SYNE1: variants seen among roughly 807,000 people sequenced by gnomAD.
SYNE1 encodes the protein nesprin-1.
SYNE1 carries 616 observed loss-of-function variants against 1,111.0 expected under a neutral mutation model. That is an observed-to-expected ratio of 0.55 (90% confidence interval 0.52 to 0.59). The LOEUF (loss-of-function observed/expected upper bound fraction) is 0.59. SYNE1 is among the 20% of genes least tolerant of loss of function. The pLI, the probability that SYNE1 is intolerant of heterozygous loss-of-function variation, is 0.00. For missense variants in SYNE1, 10,006 were observed against 10,417.0 expected, an observed-to-expected ratio of 0.96 and a Z score of 1.72; for synonymous variants, 3,855 against 3,825.8, an observed-to-expected ratio of 1.01 and a Z score of -0.28.
Position 152,244,179 on chromosome 6 carries a change from G to A in SYNE1, c.19692+358C>T, listed in dbSNP as rs190804227. On this transcript the variant is annotated intron_variant, in intron 106 of 145. Transcript: ENST00000367255. ...TTAAAATAGTATTTGAAGACATAGT[G>A]CAATACGAGGGTAGATATCCCTTTT... is the stretch of plus-strand genomic sequence containing the variant. 3.1e-4 allele frequency among the ~76,000 whole-genome samples: 47 copies of A among 152,248 alleles called. No individual in the cohort carries two copies. In the East Asian group the frequency reaches 7.3e-3, roughly 24 times the overall value.
At chr6:152,501,355 G>C (rs2099028705) in intron 10 of SYNE1, among the ~76,000 whole-genome samples, 1 of 152,128 alleles carries the variant, frequency 6.6e-6, no homozygotes. Flanking sequence ...TGTGAAATAG[G>C]ACAAACTTTC....
intron 2 of SYNE1, among the ~76,000 whole-genome samples, chr6:152,634,205 T>C (rs1039768592): frequency 2.0e-5 from 3 of 152,068 alleles, no homozygotes; most frequent in African/African-American, 7.2e-5. Flanking sequence ...CTGCAGAAAA[T>C]TTCAAACCCT....
At position 152,391,348 on chromosome 6, in the gene SYNE1, C is replaced by T. The variant is rs775185806; in HGVS notation, c.7933G>A (p.Asp2645Asn). 2.5e-6 allele frequency: 4 copies of T among 1,614,122 alleles called. No individual in the cohort carries two copies. The Admixed American group carries it at 5.0e-5, about 20-fold the overall frequency. ...GTGCTCTCTGCACAGGCCAGTCTGT[C>T]CTGAATGGCCTTCACCCAGAACCAC... Reference protein sequence around the residue: ...SMWFWVKAIQDRLACAESTLG... With the variant: ...SMWFWVKAIQNRLACAESTLG... The change falls in exon 52 of 146, where the codon GAC becomes AAC. Residue 2645 changes from aspartate (D) to asparagine (N), a missense_variant. Physicochemically the swap from Asp to Asn is conservative, Grantham distance 23 (BLOSUM62 1). Transcript: ENST00000367255.
intron 115 of SYNE1, among the ~76,000 whole-genome samples, chr6:152,227,655 T>C (rs2081906429): frequency 6.6e-6 from 1 of 152,190 alleles, no homozygotes; most frequent in Non-Finnish European, 1.5e-5. Context: ...ATCCTTCCAA[T>C]ATGTCTTTAA....
At position 152,439,021 on chromosome 6, in the gene SYNE1, T is replaced by C. The variant is rs544760295; in HGVS notation, c.4149+2109A>G. On this transcript the variant is annotated intron_variant, in intron 32 of 145. Coordinates refer to ENST00000367255, the MANE Select transcript of SYNE1 (RefSeq NM_182961.4). ...CATCACCAACTTTGTGCCTTATGTG[T>C]CCTTCCTCATATAACACGATTGATA... Among the ~76,000 whole-genome samples the C allele has an allele frequency of 3.3e-5, 5 of 152,330 alleles. No individual in the cohort carries two copies. In the East Asian group the frequency reaches 9.6e-4, roughly 29 times the overall value.
chr6:152,548,356 C>A (rs898002208), intron 3 of SYNE1, among the ~76,000 whole-genome samples: 2 of 152,150 alleles, frequency 1.3e-5, no homozygotes, highest in Non-Finnish European at 2.9e-5. Flanking sequence ...ACATGCCTTG[C>A]CCCTGGACAA....
intron 73 of SYNE1, 72 bp from the exon 74 acceptor site, chr6:152,344,299 G>A: frequency 6.3e-7 from 1 of 1,597,514 alleles, no homozygotes; most frequent in Non-Finnish European, 8.6e-7. Flanking sequence ...CAAATTCAAT[G>A]AAACATGACC....
intron 137 of SYNE1, chr6:152,144,397 A>G (rs1402222183): frequency 6.3e-6 from 1 of 157,932 alleles, no homozygotes; most frequent in African/African-American, 2.4e-5. Flanking sequence ...TAACATTTCC[A>G]TCTAGGCAGG....
At chr6:152,181,082 C>CAAA (rs11439578) in intron 128 of SYNE1, among the ~76,000 whole-genome samples, 6,140 of 124,518 alleles carry the variant, frequency 0.049, 414 homozygotes, top group African/African-American at 0.13. Context: ...TTTATCATTC[C>CAAA]AAAAAAAAAA....
intron 3 of SYNE1, among the ~76,000 whole-genome samples, chr6:152,575,794 C>A (rs1595668324): frequency 6.6e-6 from 1 of 152,136 alleles, no homozygotes; most frequent in East Asian, 1.9e-4. Context: ...GCTAAATGAA[C>A]AATGTATATG....
At chr6:152,276,265 C>T (rs2093623766) in intron 98 of SYNE1, among the ~76,000 whole-genome samples, 1 of 152,056 alleles carries the variant, frequency 6.6e-6, no homozygotes, top group African/African-American at 2.4e-5. Context: ...AAACTCCCGA[C>T]CTCAGGTGAT....
chr6:152,289,910 G>A (rs1432821519), intron 95 of SYNE1, among the ~76,000 whole-genome samples: 2 of 147,906 alleles, frequency 1.4e-5, no homozygotes, highest in Non-Finnish European at 3.0e-5. Context: ...ACAGGCATGA[G>A]CTACCGCGCC....
chr6:152,417,850 AT>A (rs1433150912), intron 40 of SYNE1, among the ~76,000 whole-genome samples: 2 of 152,130 alleles, frequency 1.3e-5, no homozygotes, highest in African/African-American at 4.8e-5. Context: ...TAAATGTTTA[AT>A]TTTTTTAACT....
chr6:152,369,748 C>T (rs1226530439), intron 59 of SYNE1, 134 bp from the exon 60 acceptor site: 44 of 1,043,638 alleles, frequency 4.2e-5, no homozygotes, highest in Admixed American at 1.6e-4. Flanking sequence ...TTTGGGTGGC[C>T]GAGGTGAGCA....
chr6:152,304,524 A>G (rs555030889), intron 91 of SYNE1, among the ~76,000 whole-genome samples: 51 of 152,136 alleles, frequency 3.4e-4, no homozygotes, highest in African/African-American at 1.2e-3. Flanking sequence ...TAGTAGGGAC[A>G]TGTTGGCCAA....
At chr6:152,621,226 A>G (rs2099674622) in intron 3 of SYNE1, among the ~76,000 whole-genome samples, 1 of 152,198 alleles carries the variant, frequency 6.6e-6, no homozygotes, top group Non-Finnish European at 1.5e-5. Context: ...AAGCTGTTAC[A>G]GTTAAAATGG....
chr6:152,365,110 A>G (rs2097045115), intron 62 of SYNE1, 91 bp from the exon 63 acceptor site: 4 of 1,530,882 alleles, frequency 2.6e-6, no homozygotes, highest in Middle Eastern at 2.2e-4. Flanking sequence ...TCACAGAATA[A>G]TATGCAATTG....
chr6:152,388,914 A>G lies in SYNE1; in HGVS notation c.8177+1366T>C, dbSNP rs183661062. 2.1e-3 allele frequency among the ~76,000 whole-genome samples: 326 copies of G among 152,362 alleles called. 2 individuals are homozygous for G. The highest frequency in any genetic ancestry group is 0.02 in the Middle Eastern group (6 of 294). On this transcript the variant is annotated intron_variant, in intron 53 of 145. Transcript: ENST00000367255. ...AAACTGGCCTAAGCCAAGCCTCTGG[A>G]AGCTTAGTTCACGCTCCAGCAGTCT...
intron 98 of SYNE1, 89 bp from the exon 99 acceptor site, chr6:152,269,375 G>A (rs2093013045): frequency 3.8e-6 from 6 of 1,596,988 alleles, no homozygotes; most frequent in Non-Finnish European, 5.1e-6. Context: ...TGTGATCTAT[G>A]TAATGATACC....
Sources: allele counts gnomAD v4.1 joint callset (sites outside exome capture counted in the v4.1 genomes callset), GRCh38; gene constraint gnomAD v4.1.1; transcripts MANE v1.5; gene names NCBI Gene and HGNC (gene_info 2026-07-23, HGNC 2026-07-21).